Variants in ERBB4 observed in about 807,000 individuals in gnomAD.
ERBB4 encodes receptor tyrosine-protein kinase erbB-4.
In ERBB4, 42 loss-of-function variants were observed where a neutral mutation model predicts 158.0. The ratio of observed to expected loss-of-function variants is 0.27; its 90% CI spans 0.21 to 0.34. The LOEUF (loss-of-function observed/expected upper bound fraction) is 0.34. Among genes scored for constraint, ERBB4 ranks in the 10% least tolerant of loss-of-function variants. The pLI, the probability that ERBB4 is intolerant of heterozygous loss-of-function variation, is 1.00. For missense variants in ERBB4, 1,333 were observed against 1,624.1 expected, an observed-to-expected ratio of 0.82 and a Z score of 3.08; for synonymous variants, 583 against 558.7, an observed-to-expected ratio of 1.04 and a Z score of -0.61.
At chr2:211,428,611 TA>T (rs2063685436) in intron 21 of ERBB4, 128 bp from the exon 22 acceptor site, 2 of 508,918 alleles carry the variant, frequency 3.9e-6, no homozygotes, top group African/African-American at 3.9e-5. Context: ...TAGATATAAC[TA>T]TAACTATAAA....
intron 1 of ERBB4, among the ~76,000 whole-genome samples, chr2:212,321,466 A>G (rs2106265979): frequency 6.6e-6 from 1 of 150,748 alleles, no homozygotes; most frequent in Non-Finnish European, 1.5e-5. Flanking sequence ...TAATACTGGC[A>G]TTTTGGGATC....
At position 212,472,600 on chromosome 2, in the gene ERBB4, T is replaced by C. The variant is rs138890102; in HGVS notation, c.82+65849A>G. On this transcript the variant is annotated intron_variant, in intron 1 of 27. Transcript: ENST00000342788. ...ATGCAGAGAGGTAGAAAGTATATAATTGGAAAGAGCGGTACTTCTCAAACT... is the reference window on the plus strand; with the variant it reads ...ATGCAGAGAGGTAGAAAGTATATAACTGGAAAGAGCGGTACTTCTCAAACT... Among the ~76,000 whole-genome samples the C allele has an allele frequency of 2.0e-3, 309 of 151,904 alleles. 1 individual carries two copies. Among genetic ancestry groups the C allele is most frequent in the African/African-American group, 6.7e-3 (278 of 41,530 alleles).
intron 20 of ERBB4, among the ~76,000 whole-genome samples, chr2:211,517,742 G>A (rs1415584076): frequency 6.6e-6 from 1 of 152,108 alleles, no homozygotes; most frequent in Non-Finnish European, 1.5e-5. Flanking sequence ...ATGCATTATA[G>A]AGACATTTGC....
intron 3 of ERBB4, among the ~76,000 whole-genome samples, chr2:211,793,552 A>T (rs79300055): frequency 0.013 from 1,982 of 152,070 alleles, 36 homozygotes; most frequent in African/African-American, 0.039. Context: ...AGCCACAGAA[A>T]GCAGTTACAA....
In ERBB4 at chr2:212,386,222, T is replaced by G. The variant is rs1229412403; in HGVS notation, c.82+152227A>C. On this transcript the variant is annotated intron_variant, in intron 1 of 27. Coordinates refer to ENST00000342788, the MANE Select transcript of ERBB4 (RefSeq NM_005235.3). ...GATTCACCTTCCAGGTAAACACTTA[T>G]TGCCAAACTTCTATATTTGGCCCAC... Among the ~76,000 whole-genome samples, 5 of 152,178 alleles carry G rather than the reference T, an allele frequency of 3.3e-5. No homozygotes were observed. In the East Asian group the frequency reaches 7.7e-4, roughly 24 times the overall value.
intron 2 of ERBB4, among the ~76,000 whole-genome samples, chr2:212,049,253 A>G (rs1305207827): frequency 6.6e-6 from 1 of 152,226 alleles, no homozygotes; most frequent in African/African-American, 2.4e-5. Context: ...GGGAACATCA[A>G]ACATGTAATA....
At chr2:212,160,869 G>A (rs1299726162) in intron 1 of ERBB4, among the ~76,000 whole-genome samples, 2 of 151,966 alleles carry the variant, frequency 1.3e-5, no homozygotes, top group Non-Finnish European at 2.9e-5. Context: ...GGTAGGTTGG[G>A]GAAGGGGAAG....
chr2:211,888,212 G>A (rs1372503592), intron 3 of ERBB4, among the ~76,000 whole-genome samples: 5 of 152,114 alleles, frequency 3.3e-5, no homozygotes, highest in Non-Finnish European at 7.4e-5. Context: ...ACTCTACCAA[G>A]GAAAATGAAC....
At chr2:211,519,185 G>A (rs2066122909) in intron 20 of ERBB4, among the ~76,000 whole-genome samples, 1 of 152,032 alleles carries the variant, frequency 6.6e-6, no homozygotes, top group Non-Finnish European at 1.5e-5. Context: ...GTGAAAGAAT[G>A]CTGTATAAAT....
At chr2:212,239,246 T>C (rs2083993989) in intron 1 of ERBB4, among the ~76,000 whole-genome samples, 1 of 152,184 alleles carries the variant, frequency 6.6e-6, no homozygotes, top group African/African-American at 2.4e-5. Flanking sequence ...TCTTGCTATG[T>C]TGCCCAGGCT....
chr2:211,555,191 C>CTT (rs535516488), intron 20 of ERBB4, among the ~76,000 whole-genome samples: 8 of 146,858 alleles, frequency 5.4e-5, no homozygotes, highest in African/African-American at 1.5e-4. Flanking sequence ...TCTGTGTTTT[C>CTT]TTTTTTTTTT....
chr2:212,345,081 C>T (rs556543640), intron 1 of ERBB4, among the ~76,000 whole-genome samples: 1 of 151,584 alleles, frequency 6.6e-6, no homozygotes, highest in Non-Finnish European at 1.5e-5. Context: ...CAGGCTAACA[C>T]GGTGAAACCC....
intron 20 of ERBB4, among the ~76,000 whole-genome samples, chr2:211,531,116 C>G (rs79713899): frequency 0.035 from 5,290 of 152,098 alleles, 298 homozygotes; most frequent in African/African-American, 0.12. Flanking sequence ...TCCATATCTA[C>G]AAGAATTAAA....
intron 2 of ERBB4, among the ~76,000 whole-genome samples, chr2:212,084,015 G>A (rs1225613956): frequency 6.6e-6 from 1 of 151,448 alleles, no homozygotes; most frequent in African/African-American, 2.4e-5. Flanking sequence ...TGCAGTTGAA[G>A]TGTATGTAGG....
intron 25 of ERBB4, among the ~76,000 whole-genome samples, chr2:211,402,649 G>A (rs577955709): frequency 2.0e-5 from 3 of 151,954 alleles, no homozygotes; most frequent in African/African-American, 7.2e-5. Context: ...CAAGAGAAGA[G>A]AGCAAAAACA....
chr2:212,055,041 C>T (rs2077512804), intron 2 of ERBB4, among the ~76,000 whole-genome samples: 1 of 152,140 alleles, frequency 6.6e-6, no homozygotes. Context: ...CAGGGAATTC[C>T]CTTTCCTAGC....
chr2:211,660,058 T>C (rs1331600695), intron 15 of ERBB4, among the ~76,000 whole-genome samples: 1 of 152,140 alleles, frequency 6.6e-6, no homozygotes, highest in Non-Finnish European at 1.5e-5. Context: ...ACAAAACAAC[T>C]ACAAATAATT....
At chr2:212,280,198 G>C (rs2085700995) in intron 1 of ERBB4, among the ~76,000 whole-genome samples, 1 of 151,684 alleles carries the variant, frequency 6.6e-6, no homozygotes, top group South Asian at 2.1e-4. Context: ...CAGCCACCCA[G>C]TTGCTCTCAA....
At chr2:211,389,120 C>A (rs2125325143) in intron 25 of ERBB4, among the ~76,000 whole-genome samples, 1 of 152,268 alleles carries the variant, frequency 6.6e-6, no homozygotes, top group South Asian at 2.1e-4. Flanking sequence ...ACTGCAAGCT[C>A]CGCCTCCCGG....
Sources: gnomAD v4.1 joint callset for allele counts (sites outside exome capture counted in the v4.1 genomes callset) on GRCh38, gnomAD v4.1.1 for gene constraint, MANE v1.5 for transcripts, NCBI Gene and HGNC (gene_info 2026-07-23, HGNC 2026-07-21) for gene names.